Variants in SLC24A3 observed in about 807,000 individuals in gnomAD.
SLC24A3 encodes the protein solute carrier family 24 member 3.
Under a neutral mutation model 75.8 loss-of-function variants are expected in SLC24A3, and 28 were observed. That is an observed-to-expected ratio of 0.37 (90% confidence interval 0.27 to 0.51). The LOEUF is 0.51. Among genes scored for constraint, SLC24A3 ranks in the 20% least tolerant of loss-of-function variants. SLC24A3 has a pLI of 0.94. For missense variants in SLC24A3, 663 were observed against 847.8 expected (o/e 0.78, Z 2.71); for synonymous variants, 372 against 334.1 (o/e 1.11, Z -1.24).
chr20:19,366,046 A>G (rs1029538905), intron 2 of SLC24A3, among the ~76,000 whole-genome samples: 1 of 152,072 alleles, frequency 6.6e-6, no homozygotes, highest in Non-Finnish European at 1.5e-5. Flanking sequence ...CAGGAAATCC[A>G]TCTCTTTCTA....
chr20:19,600,439 A>G (rs777347332), intron 6 of SLC24A3, among the ~76,000 whole-genome samples: 15 of 152,198 alleles, frequency 9.9e-5, no homozygotes, highest in Non-Finnish European at 1.8e-4. Flanking sequence ...CTTAATTTTT[A>G]TGACAATAAA....
intron 2 of SLC24A3, among the ~76,000 whole-genome samples, chr20:19,483,977 C>A (rs531765967): frequency 4.6e-5 from 7 of 152,096 alleles, no homozygotes; most frequent in Non-Finnish European, 7.3e-5. Context: ...CTTTGAGATA[C>A]GTATCCAAAA....
intron 6 of SLC24A3, among the ~76,000 whole-genome samples, chr20:19,650,084 G>A (rs1190285727): frequency 6.6e-6 from 1 of 152,070 alleles, no homozygotes; most frequent in Non-Finnish European, 1.5e-5. Context: ...AATTATTTGG[G>A]TGTATGCCTT....
chr20:19,429,013 G>C (rs781142731), intron 2 of SLC24A3, among the ~76,000 whole-genome samples: 17 of 152,200 alleles, frequency 1.1e-4, no homozygotes, highest in Non-Finnish European at 2.4e-4. Context: ...TCCCCCTCCA[G>C]TGTTTCTGCC....
intron 2 of SLC24A3, among the ~76,000 whole-genome samples, chr20:19,348,107 G>A (rs957037289): frequency 6.6e-6 from 1 of 152,224 alleles, no homozygotes; most frequent in South Asian, 2.1e-4. Context: ...CAACAAGGTG[G>A]CAATTGACCT....
intron 1 of SLC24A3, among the ~76,000 whole-genome samples, chr20:19,254,165 C>T (rs1217102067): frequency 1.3e-5 from 2 of 152,302 alleles, no homozygotes; most frequent in East Asian, 3.9e-4. Flanking sequence ...ACTGTAGCCT[C>T]TGGGCTGTGC....
chr20:19,631,989 C>A (rs892157848), intron 6 of SLC24A3, among the ~76,000 whole-genome samples: 9 of 152,018 alleles, frequency 5.9e-5, no homozygotes, highest in African/African-American at 2.2e-4. Context: ...TAACCACACA[C>A]ACCTACACAG....
chr20:19,213,777 C>T (rs564861636), intron 1 of SLC24A3, among the ~76,000 whole-genome samples: 1 of 152,214 alleles, frequency 6.6e-6, no homozygotes, highest in East Asian at 1.9e-4. Context: ...TTGTGTGCTC[C>T]CAACAGTTGT....
chr20:19,535,286 A>C (rs2030375767), intron 3 of SLC24A3, among the ~76,000 whole-genome samples: 1 of 152,312 alleles, frequency 6.6e-6, no homozygotes, highest in Middle Eastern at 3.4e-3. Context: ...GCTGGACTCA[A>C]CTGCGTGGTT....
At chr20:19,281,122 C>T in intron 2 of SLC24A3, 35 bp downstream of exon 2, 1 of 1,611,542 alleles carries the variant, frequency 6.2e-7, no homozygotes, top group Non-Finnish European at 8.5e-7. Context: ...CAGCAGCTGT[C>T]ATTTTCTCTG....
intron 1 of SLC24A3, 71 bp from the exon 2 acceptor site, chr20:19,280,888 G>C: frequency 6.5e-7 from 1 of 1,547,548 alleles, no homozygotes; most frequent in Admixed American, 1.9e-5. Context: ...TCAGGGCAGC[G>C]GGCATGCAGC....
intron 14 of SLC24A3, 53 bp from the exon 15 acceptor site, chr20:19,698,515 T>G: frequency 7.1e-7 from 1 of 1,403,686 alleles, no homozygotes; most frequent in Non-Finnish European, 9.9e-7. Context: ...GAGAGTCCTG[T>G]GTGGGGCCCC....
intron 2 of SLC24A3, among the ~76,000 whole-genome samples, chr20:19,295,132 G>A (rs1376470380): frequency 6.6e-6 from 1 of 152,098 alleles, no homozygotes; most frequent in Non-Finnish European, 1.5e-5. Flanking sequence ...CGTGTCCCTT[G>A]CCCAATTTTT....
At chr20:19,473,016 G>A (rs1987900621) in intron 2 of SLC24A3, among the ~76,000 whole-genome samples, 3 of 152,162 alleles carry the variant, frequency 2.0e-5, no homozygotes, top group Admixed American at 1.3e-4. Flanking sequence ...GCTGGGGTTC[G>A]GGGGCCACTG....
At chr20:19,501,193 A>G (rs1988378546) in intron 2 of SLC24A3, among the ~76,000 whole-genome samples, 1 of 152,158 alleles carries the variant, frequency 6.6e-6, no homozygotes, top group South Asian at 2.1e-4. Flanking sequence ...GAATGAAGTG[A>G]AACTTTTTCC....
At chr20:19,514,609 G>A (rs531696004) in intron 2 of SLC24A3, among the ~76,000 whole-genome samples, 6 of 152,174 alleles carry the variant, frequency 3.9e-5, no homozygotes, top group African/African-American at 7.2e-5. Context: ...GATTCCTATC[G>A]GAGGGACCAC....
intron 3 of SLC24A3, among the ~76,000 whole-genome samples, chr20:19,569,634 G>A (rs952633079): frequency 6.6e-6 from 1 of 152,166 alleles, no homozygotes; most frequent in Non-Finnish European, 1.5e-5. Flanking sequence ...TGACAGGAGA[G>A]GGGAGGGCAG....
intron 2 of SLC24A3, among the ~76,000 whole-genome samples, chr20:19,373,193 T>G (rs956895293): frequency 2.0e-5 from 3 of 152,178 alleles, no homozygotes; most frequent in African/African-American, 7.2e-5. Flanking sequence ...GGTTTTTGTT[T>G]GTTGCTGGTG....
intron 3 of SLC24A3, among the ~76,000 whole-genome samples, chr20:19,556,495 C>T (rs1401294554): frequency 7.3e-5 from 11 of 149,964 alleles, no homozygotes; most frequent in Non-Finnish European, 1.3e-4. Flanking sequence ...TTCCAGCAAA[C>T]CCTAAATAAT....
Sources: gnomAD v4.1 joint callset for allele counts (sites outside exome capture counted in the v4.1 genomes callset) on GRCh38, gnomAD v4.1.1 for gene constraint, MANE v1.5 for transcripts, NCBI Gene and HGNC (gene_info 2026-07-23, HGNC 2026-07-21) for gene names.